Variants in CIRSR observed in about 807,000 individuals in gnomAD.
CIRSR encodes the protein corepressor of RBPJ and splicing regulator.
chr2:174,393,868 C>T, the CIRSR span, among the ~76,000 whole-genome samples: 1 of 152,192 alleles, frequency 6.6e-6, no homozygotes, highest in African/African-American at 2.4e-5. Flanking sequence ...TTCTATTTAT[C>T]TTCATTTAAT....
At chr2:174,370,367 G>A in the CIRSR span, among the ~76,000 whole-genome samples, 1 of 152,178 alleles carries the variant, frequency 6.6e-6, no homozygotes, top group Non-Finnish European at 1.5e-5. Flanking sequence ...ACTGTTTAGT[G>A]TTACCTGTTT....
the CIRSR span, among the ~76,000 whole-genome samples, chr2:174,382,413 T>A: frequency 1.3e-5 from 2 of 152,114 alleles, no homozygotes; most frequent in East Asian, 3.9e-4. Context: ...CCAAAGCAAG[T>A]AGATCACCTG....
At chr2:174,353,315 A>G in the CIRSR span, among the ~76,000 whole-genome samples, 1 of 152,312 alleles carries the variant, frequency 6.6e-6, no homozygotes, top group Admixed American at 6.5e-5. Flanking sequence ...TCTTCTATAC[A>G]AAATGTTTAA....
the CIRSR span, among the ~76,000 whole-genome samples, chr2:174,361,317 C>A: frequency 6.6e-6 from 1 of 152,190 alleles, no homozygotes; most frequent in Non-Finnish European, 1.5e-5. Context: ...TAGGACTTCA[C>A]CTCTCCAAGG....
the CIRSR span, among the ~76,000 whole-genome samples, chr2:174,372,860 G>A: frequency 3.3e-5 from 5 of 152,086 alleles, no homozygotes; most frequent in Non-Finnish European, 7.4e-5. Flanking sequence ...GGGATTACAG[G>A]TGTGAGCCAC....
At chr2:174,368,205 G>A in the CIRSR span, among the ~76,000 whole-genome samples, 1 of 151,758 alleles carries the variant, frequency 6.6e-6, no homozygotes, top group Admixed American at 6.6e-5. Context: ...CAACTGAATA[G>A]TACCATCCAT....
chr2:174,348,567 A>G, the CIRSR span: 1 of 1,614,048 alleles, frequency 6.2e-7, no homozygotes, highest in Non-Finnish European at 8.5e-7. Context: ...TCCTCTATAC[A>G]AGTCTGTGCC....
the CIRSR span, among the ~76,000 whole-genome samples, chr2:174,390,247 G>C: frequency 4.6e-5 from 7 of 152,368 alleles, no homozygotes; most frequent in Admixed American, 4.6e-4. Flanking sequence ...CCAAGGCTTT[G>C]GGAGCCTACC....
the CIRSR span, among the ~76,000 whole-genome samples, chr2:174,392,064 C>T: frequency 1.3e-5 from 2 of 152,164 alleles, no homozygotes; most frequent in South Asian, 2.1e-4. Context: ...GTGGCGCAAT[C>T]TTGGCTCACT....
the CIRSR span, among the ~76,000 whole-genome samples, chr2:174,367,300 T>C: frequency 3.4e-4 from 51 of 152,118 alleles, no homozygotes; most frequent in Admixed American, 2.8e-3. Flanking sequence ...TAGCTGGGCA[T>C]TGGGCGCGGT....
the CIRSR span, among the ~76,000 whole-genome samples, chr2:174,366,066 A>C: frequency 6.6e-6 from 1 of 152,248 alleles, no homozygotes; most frequent in Non-Finnish European, 1.5e-5. Flanking sequence ...ACACTATCAG[A>C]CTTAGATTAG....
chr2:174,381,411 T>G, the CIRSR span, among the ~76,000 whole-genome samples: 1 of 151,948 alleles, frequency 6.6e-6, no homozygotes. Context: ...TCCCAGCACT[T>G]TGGGAGGCCG....
chr2:174,349,564 TAAAAAA>T, the CIRSR span, among the ~76,000 whole-genome samples: 1 of 105,126 alleles, frequency 9.5e-6, no homozygotes, highest in Non-Finnish European at 1.9e-5. Context: ...GACTCTGTCT[TAAAAAA>T]AAAAAAAAAA....
the CIRSR span, among the ~76,000 whole-genome samples, chr2:174,385,437 C>T: frequency 0.53 from 79,887 of 151,730 alleles, 21,478 homozygotes; most frequent in East Asian, 0.72. Context: ...AATTTGCATT[C>T]AAATGACCAA....
At chr2:174,395,660 G>C in the CIRSR span, 1 of 1,614,070 alleles carries the variant, frequency 6.2e-7, no homozygotes, top group Non-Finnish European at 8.5e-7. Flanking sequence ...GGCTAGATCT[G>C]TTAGCAACGT....
At chr2:174,389,473 T>G in the CIRSR span, among the ~76,000 whole-genome samples, 3 of 151,942 alleles carry the variant, frequency 2.0e-5, no homozygotes, top group African/African-American at 7.3e-5. Context: ...ACTTAAGGTA[T>G]CCGGTAGAAG....
chr2:174,355,243 T>C, the CIRSR span, among the ~76,000 whole-genome samples: 1 of 152,192 alleles, frequency 6.6e-6, no homozygotes, highest in Non-Finnish European at 1.5e-5. Context: ...TACACAAATA[T>C]GTTCAAATGT....
the CIRSR span, chr2:174,370,131 T>C: frequency 2.4e-6 from 3 of 1,255,388 alleles, no homozygotes; most frequent in South Asian, 1.3e-5. Context: ...GCGGGCATAA[T>C]GGGTGGTTGA....
the CIRSR span, among the ~76,000 whole-genome samples, chr2:174,391,635 G>C: frequency 1.3e-5 from 2 of 152,082 alleles, no homozygotes; most frequent in Non-Finnish European, 2.9e-5. Flanking sequence ...AATAGTAGGA[G>C]GGGAGAAGGA....
Sources: gnomAD v4.1 joint callset for allele counts (sites outside exome capture counted in the v4.1 genomes callset) on GRCh38, gnomAD v4.1.1 for gene constraint, MANE v1.5 for transcripts, NCBI Gene and HGNC (gene_info 2026-07-23, HGNC 2026-07-21) for gene names.